The following KCNQ5 variants were observed in gnomAD, a reference collection of about 807,000 sequenced individuals.
KCNQ5 encodes the protein potassium voltage-gated channel subfamily KQT member 5.
KCNQ5 carries 30 observed loss-of-function variants against 98.2 expected under a neutral mutation model. The ratio of observed to expected loss-of-function variants is 0.31; its 90% CI spans 0.23 to 0.41. The LOEUF (loss-of-function observed/expected upper bound fraction) is 0.41, where lower values mean the gene tolerates loss of function less well. Ranked by LOEUF, KCNQ5 falls within the 10% of genes least tolerant of loss-of-function variation. The pLI is 1.00. For synonymous variants in KCNQ5, 458 were observed against 449.4 expected (o/e 1.02, Z -0.24); for missense variants, 835 against 1,182.5 (o/e 0.71, Z 4.31).
intron 10 of KCNQ5, among the ~76,000 whole-genome samples, chr6:73,160,294 G>A (rs1455573698): frequency 1.3e-5 from 2 of 152,206 alleles, no homozygotes; most frequent in Admixed American, 6.5e-5. Context: ...GGGATTACAG[G>A]CGTGAGCCAC....
At chr6:72,829,088 T>C (rs1284861105) in intron 1 of KCNQ5, among the ~76,000 whole-genome samples, 1 of 152,134 alleles carries the variant, frequency 6.6e-6, no homozygotes, top group Non-Finnish European at 1.5e-5. Flanking sequence ...GACTGTGGTG[T>C]GGCCCACACA....
intron 1 of KCNQ5, among the ~76,000 whole-genome samples, chr6:72,805,520 T>C (rs1468888560): frequency 6.6e-6 from 1 of 152,158 alleles, no homozygotes; most frequent in African/African-American, 2.4e-5. Context: ...TCTGTTCCAT[T>C]GATCTATGTG....
intron 1 of KCNQ5, among the ~76,000 whole-genome samples, chr6:72,730,492 G>A (rs1349423064): frequency 3.3e-5 from 5 of 152,050 alleles, no homozygotes; most frequent in Non-Finnish European, 7.4e-5. Flanking sequence ...TTCAGAATTT[G>A]TTCTGGTGTA....
chr6:73,058,372 C>T lies in KCNQ5; in HGVS notation c.616+16310C>T, dbSNP rs1395572610. ...AGGCTGCAGTGAGCCGAGATGCTGCCACTGCACTCCAGCCTGGGCGACAGC... is the reference window on the plus strand; with the variant it reads ...AGGCTGCAGTGAGCCGAGATGCTGCTACTGCACTCCAGCCTGGGCGACAGC... On this transcript the variant is annotated intron_variant, in intron 3 of 13. Transcript: ENST00000370398. Among the ~76,000 whole-genome samples the T allele has an allele frequency of 2.6e-5, 4 of 152,150 alleles. No individual in the cohort carries two copies. The South Asian group carries it at 8.3e-4, about 32-fold the overall frequency.
intron 1 of KCNQ5, among the ~76,000 whole-genome samples, chr6:72,891,140 G>A (rs1779042445): frequency 6.6e-6 from 1 of 152,174 alleles, no homozygotes; most frequent in Non-Finnish European, 1.5e-5. Context: ...GTGTCCTTGG[G>A]ATCCTGTCTG....
chr6:73,060,785 C>G (rs1156389199), intron 3 of KCNQ5, among the ~76,000 whole-genome samples: 1 of 152,144 alleles, frequency 6.6e-6, no homozygotes, highest in African/African-American at 2.4e-5. Flanking sequence ...CATACCCAGT[C>G]TCACTCATAA....
At chr6:72,666,971 T>C (rs1766851984) in intron 1 of KCNQ5, among the ~76,000 whole-genome samples, 1 of 152,208 alleles carries the variant, frequency 6.6e-6, no homozygotes, top group African/African-American at 2.4e-5. Flanking sequence ...CTGGTCATGA[T>C]AAATTAGCAA....
intron 1 of KCNQ5, among the ~76,000 whole-genome samples, chr6:72,814,750 G>A (rs1179663565): frequency 6.6e-6 from 1 of 152,176 alleles, no homozygotes; most frequent in East Asian, 1.9e-4. Flanking sequence ...TGTCAAAGCT[G>A]ATGAGGACAC....
intron 1 of KCNQ5, among the ~76,000 whole-genome samples, chr6:72,828,575 C>T (rs1207165372): frequency 6.6e-6 from 1 of 151,932 alleles, no homozygotes; most frequent in Non-Finnish European, 1.5e-5. Context: ...AATTCTGTAT[C>T]CTGCAACTTT....
intron 1 of KCNQ5, among the ~76,000 whole-genome samples, chr6:72,934,105 T>TA (rs1295651051): frequency 1.3e-5 from 2 of 152,156 alleles, no homozygotes; most frequent in African/African-American, 4.8e-5. Flanking sequence ...GTTTAAGGAA[T>TA]AAAGGCATGT....
At chr6:73,190,524 T>G in intron 11 of KCNQ5, 49 bp from the exon 12 acceptor site, 1 of 1,000,896 alleles carries the variant, frequency 1.0e-6, no homozygotes, top group Non-Finnish European at 1.4e-6. Flanking sequence ...TTTTGGTAAC[T>G]TATATTAACA....
intron 1 of KCNQ5, among the ~76,000 whole-genome samples, chr6:72,852,839 C>G (rs1345307364): frequency 6.6e-6 from 1 of 151,418 alleles, no homozygotes; most frequent in Non-Finnish European, 1.5e-5. Context: ...AGACTCATCA[C>G]TCTCTAATTA....
In KCNQ5 at chr6:72,836,051, A is replaced by T. The variant is rs183563997; in HGVS notation, c.399-167857A>T. Among the ~76,000 whole-genome samples, 403 of 152,312 alleles carry T rather than the reference A, an allele frequency of 2.6e-3. 3 individuals carry two copies. Among genetic ancestry groups the T allele is most frequent in the African/African-American group, 8.2e-3 (340 of 41,570 alleles). ...TTTTATTGAGACCCAGTTGTTAAAC[A>T]TTTACCAGAATGCCACTGACCACAT... On this transcript the variant is annotated intron_variant, in intron 1 of 13. Coordinates refer to ENST00000370398, the MANE Select transcript of KCNQ5 (RefSeq NM_019842.4).
At chr6:72,761,839 A>C (rs1389518589) in intron 1 of KCNQ5, among the ~76,000 whole-genome samples, 1 of 152,082 alleles carries the variant, frequency 6.6e-6, no homozygotes, top group Non-Finnish European at 1.5e-5. Flanking sequence ...ATTTTAGGAT[A>C]TTCTTAGTCC....
chr6:73,049,910 C>T (rs954897637), intron 3 of KCNQ5, among the ~76,000 whole-genome samples: 6 of 152,058 alleles, frequency 3.9e-5, no homozygotes, highest in Non-Finnish European at 5.9e-5. Context: ...ATACCAGGCA[C>T]AGTGGCTCAT....
At chr6:72,625,631 T>C (rs1393841709) in intron 1 of KCNQ5, among the ~76,000 whole-genome samples, 2 of 152,210 alleles carry the variant, frequency 1.3e-5, no homozygotes, top group African/African-American at 4.8e-5. Flanking sequence ...ATACATGTAA[T>C]TGATCACTTT....
chr6:72,812,784 T>C (rs1203819898), intron 1 of KCNQ5, among the ~76,000 whole-genome samples: 1 of 152,124 alleles, frequency 6.6e-6, no homozygotes, highest in Non-Finnish European at 1.5e-5. Flanking sequence ...AAAGAAACAT[T>C]GCAAAGGCTT....
chr6:72,706,813 A>G (rs1255009945), intron 1 of KCNQ5, among the ~76,000 whole-genome samples: 1 of 152,208 alleles, frequency 6.6e-6, no homozygotes, highest in Non-Finnish European at 1.5e-5. Context: ...AGTAATCCAC[A>G]CCATCTGTGA....
chr6:72,709,941 A>C lies in KCNQ5; in HGVS notation c.398+87354A>C, dbSNP rs181512438. ...TAAACAGTAAGCAAATAAACAAATA[A>C]GTAAATATTATCATGGTGGGTGGTG... On this transcript the variant is annotated intron_variant, in intron 1 of 13. Transcript: ENST00000370398. Among the ~76,000 whole-genome samples, 218 of 152,380 alleles carry C rather than the reference A, an allele frequency of 1.4e-3. 1 individual carries two copies. The highest frequency in any genetic ancestry group is 5.1e-3 in the African/African-American group (213 of 41,596).
Sources: allele counts gnomAD v4.1 joint callset (sites outside exome capture counted in the v4.1 genomes callset), GRCh38; gene constraint gnomAD v4.1.1; transcripts MANE v1.5; gene names NCBI Gene and HGNC (gene_info 2026-07-23, HGNC 2026-07-21).